Variants in MAP4K3 observed in about 807,000 individuals in gnomAD.
MAP4K3 encodes the protein MAPK/ERK kinase kinase kinase 3.
MAP4K3 carries 94 observed loss-of-function variants against 143.5 expected under a neutral mutation model. The observed-to-expected ratio is 0.65, with a 90% CI of 0.55 to 0.78. The LOEUF is 0.78. Among genes scored for constraint, MAP4K3 ranks in the 30% least tolerant of loss-of-function variants. The pLI, the probability that MAP4K3 is intolerant of heterozygous loss-of-function variation, is 0.00. For missense variants in MAP4K3, 1,077 were observed against 1,068.1 expected (o/e 1.01, Z -0.12); for synonymous variants, 416 against 347.2 (o/e 1.20, Z -2.20).
At chr2:39,413,683 G>A (rs1667292009) in intron 1 of MAP4K3, among the ~76,000 whole-genome samples, 1 of 151,786 alleles carries the variant, frequency 6.6e-6, no homozygotes. Flanking sequence ...CAAGACCAGG[G>A]TAGAGGTGGG....
chr2:39,436,754 T>A, intron 1 of MAP4K3, 138 bp downstream of exon 1: 1 of 694,602 alleles, frequency 1.4e-6, no homozygotes, highest in Non-Finnish European at 2.5e-6. Flanking sequence ...GCAGAGCCCT[T>A]GGCGTCCGCA....
chr2:39,436,679 G>T (rs1043839374), intron 1 of MAP4K3: 3 of 563,646 alleles, frequency 5.3e-6, no homozygotes, highest in Admixed American at 6.5e-5. Context: ...TGTCCACCGG[G>T]GGGGCTCAGG....
At chr2:39,276,863 A>C (rs1681276180) in intron 24 of MAP4K3, among the ~76,000 whole-genome samples, 1 of 152,222 alleles carries the variant, frequency 6.6e-6, no homozygotes, top group South Asian at 2.1e-4. Flanking sequence ...GAAATGGGGA[A>C]TGACCACTAA....
At chr2:39,337,937 A>AT (rs888147751) in intron 4 of MAP4K3, among the ~76,000 whole-genome samples, 1 of 150,670 alleles carries the variant, frequency 6.6e-6, no homozygotes, top group Non-Finnish European at 1.5e-5. Flanking sequence ...TTTATTTTTC[A>AT]TTTTTTGCAG....
At chr2:39,326,084 T>C (rs935286702) in intron 9 of MAP4K3, 62 bp downstream of exon 9, 3 of 1,575,006 alleles carry the variant, frequency 1.9e-6, no homozygotes, top group Non-Finnish European at 1.7e-6. Flanking sequence ...TACTTGTTCA[T>C]GACAGCATAC....
At chr2:39,324,045 T>C (rs967945652) in intron 12 of MAP4K3, among the ~76,000 whole-genome samples, 10 of 152,194 alleles carry the variant, frequency 6.6e-5, no homozygotes, top group African/African-American at 4.8e-5. Context: ...ACTGCCTGTA[T>C]ACTAAATAAG....
At chr2:39,335,808 C>G (rs768755011) in intron 6 of MAP4K3, among the ~76,000 whole-genome samples, 1 of 152,126 alleles carries the variant, frequency 6.6e-6, no homozygotes, top group Non-Finnish European at 1.5e-5. Context: ...AGGTTATCTG[C>G]GAGTCCATTG....
intron 3 of MAP4K3, among the ~76,000 whole-genome samples, chr2:39,347,779 CA>C (rs908688157): frequency 6.6e-6 from 1 of 151,920 alleles, no homozygotes; most frequent in African/African-American, 2.4e-5. Flanking sequence ...TGGGATTGAT[CA>C]GGCATATATT....
At position 39,392,183 on chromosome 2, in the gene MAP4K3, C is replaced by CAAAAAAAAAAAA. The variant is rs3086434; in HGVS notation, c.97-14072_97-14061dup. Among the ~76,000 whole-genome samples, 294 of 69,024 alleles carry CAAAAAAAAAAAA rather than the reference C, an allele frequency of 4.3e-3. 13 individuals carry two copies. The highest frequency in any genetic ancestry group is 5.8e-3 in the Non-Finnish European group (225 of 38,932). 45.3% of individuals were successfully genotyped at this position (69,024 alleles called of 152,430 possible). On this transcript the variant is annotated intron_variant, in intron 1 of 33. Coordinates refer to ENST00000263881, the MANE Select transcript of MAP4K3 (RefSeq NM_003618.4). Reference sequence around the variant, plus strand: ...CTGGCAACAGAACGACACTCCTACTCAAAAAAAAAAAAAAAAAAAAAATTA... The same window carrying CAAAAAAAAAAAA: ...CTGGCAACAGAACGACACTCCTACTCAAAAAAAAAAAAAAAAAAAAAAAAAAAAAAAAAATTA...
chr2:39,377,469 A>C (rs1028848305), intron 2 of MAP4K3, among the ~76,000 whole-genome samples: 10 of 152,196 alleles, frequency 6.6e-5, no homozygotes, highest in Non-Finnish European at 1.3e-4. Flanking sequence ...GCTAAGAAAA[A>C]TGTGGGTTTT....
At chr2:39,310,943 C>A (rs114297304) in intron 13 of MAP4K3, among the ~76,000 whole-genome samples, 3 of 152,092 alleles carry the variant, frequency 2.0e-5, no homozygotes, top group African/African-American at 7.2e-5. Context: ...AAGTCTTAAC[C>A]GCTAAAGCTT....
chr2:39,317,039 G>A (rs1389744370), intron 12 of MAP4K3, among the ~76,000 whole-genome samples: 2 of 152,094 alleles, frequency 1.3e-5, no homozygotes, highest in South Asian at 2.1e-4. Flanking sequence ...AACCAAGAGA[G>A]AATGGTACTG....
At chr2:39,272,640 G>A in intron 24 of MAP4K3, 98 bp from the exon 25 acceptor site, 1 of 883,366 alleles carries the variant, frequency 1.1e-6, no homozygotes, top group Non-Finnish European at 1.8e-6. Flanking sequence ...CTACAGGTCA[G>A]TTCTTTAAAA....
At chr2:39,348,709 C>CT (rs1279625200) in intron 3 of MAP4K3, among the ~76,000 whole-genome samples, 30 of 152,044 alleles carry the variant, frequency 2.0e-4, no homozygotes, top group Non-Finnish European at 1.5e-4. Context: ...CCTCAGAATT[C>CT]TTTTTTCTCA....
chr2:39,260,010 C>A (rs1490679703), intron 29 of MAP4K3, among the ~76,000 whole-genome samples: 1 of 152,068 alleles, frequency 6.6e-6, no homozygotes, highest in Non-Finnish European at 1.5e-5. Context: ...AATATACATA[C>A]CAATAATATA....
chr2:39,258,060 T>C (rs1680416638), intron 31 of MAP4K3, among the ~76,000 whole-genome samples: 1 of 152,016 alleles, frequency 6.6e-6, no homozygotes, highest in Non-Finnish European at 1.5e-5. Context: ...GCTTCCCAAG[T>C]AGCTCGGACT....
chr2:39,362,266 A>G (rs1445183325), intron 2 of MAP4K3, among the ~76,000 whole-genome samples: 1 of 152,200 alleles, frequency 6.6e-6, no homozygotes, highest in African/African-American at 2.4e-5. Context: ...AAGAAATAAA[A>G]GACATCCAAA....
chr2:39,353,007 G>A (rs1413431764), intron 3 of MAP4K3, among the ~76,000 whole-genome samples: 1 of 152,170 alleles, frequency 6.6e-6, no homozygotes, highest in Non-Finnish European at 1.5e-5. Context: ...TCAGTAATGA[G>A]AAAGAATTCA....
At chr2:39,351,526 C>A (rs1261622941) in intron 3 of MAP4K3, among the ~76,000 whole-genome samples, 1 of 30,344 alleles carries the variant, frequency 3.3e-5, no homozygotes, top group Non-Finnish European at 9.4e-5. Flanking sequence ...TTTTAGATAT[C>A]TTTCTGTGGA....
Sources: gnomAD v4.1 joint callset for allele counts (sites outside exome capture counted in the v4.1 genomes callset) on GRCh38, gnomAD v4.1.1 for gene constraint, MANE v1.5 for transcripts, NCBI Gene and HGNC (gene_info 2026-07-23, HGNC 2026-07-21) for gene names.